Variants in TRPM5 observed in about 807,000 individuals in gnomAD.
TRPM5 encodes the protein MLSN1 and TRP-related.
In TRPM5, 121 loss-of-function variants were observed where a neutral mutation model predicts 124.9. That is an observed-to-expected ratio of 0.97 (90% CI 0.84 to 1.13). The LOEUF is 1.13. Among genes scored for constraint, TRPM5 ranks in the 50% most tolerant of loss-of-function variants. The pLI is 0.00. For synonymous variants in TRPM5, 781 were observed against 700.5 expected (o/e 1.11, Z -1.81); for missense variants, 1,643 against 1,589.1 (o/e 1.03, Z -0.58).
the TRPM5 span, among the ~76,000 whole-genome samples, chr11:2,430,019 G>C: frequency 4.5e-3 from 674 of 149,652 alleles, 5 homozygotes; most frequent in African/African-American, 0.016. Context: ...CATCTATCCT[G>C]GTCCTTCCCT....
chr11:2,436,625 C>T, the TRPM5 span, among the ~76,000 whole-genome samples: 1 of 152,186 alleles, frequency 6.6e-6, no homozygotes, highest in Non-Finnish European at 1.5e-5. Flanking sequence ...CCAGCACTCC[C>T]ACTGGGGGTG....
At position 2,412,404 on chromosome 11, in the gene TRPM5, T is replaced by C. The variant is rs534214646; in HGVS notation, c.2356-151A>G. The C allele has an allele frequency of 1.8e-5, 12 of 676,602 alleles. No individual in the cohort carries two copies. The African/African-American group carries it at 1.8e-4, about 10-fold the overall frequency. 41.9% of individuals were successfully genotyped at this position (676,602 alleles called of 1,614,324 possible). A position where few individuals can be genotyped will look rare whatever the true frequency, so the allele number is the denominator to read the frequency against. On this transcript the variant is annotated intron_variant, in intron 15 of 23. Transcript: ENST00000155858. The stretch of plus-strand genomic sequence containing the variant: ...TGGGACTAGGGGTCCACTGAAGCTA[T>C]TCCAGGGCTGTCTGGGGACAGAAGG...
intron 4 of TRPM5, among the ~76,000 whole-genome samples, chr11:2,418,936 G>A (rs954642029): frequency 2.0e-5 from 3 of 152,202 alleles, no homozygotes; most frequent in Admixed American, 2.0e-4. Context: ...GCAGCATCTC[G>A]ACCATCGAGG....
the TRPM5 span, among the ~76,000 whole-genome samples, chr11:2,430,652 GGTGACA>G: frequency 6.6e-6 from 1 of 151,840 alleles, no homozygotes; most frequent in African/African-American, 2.4e-5. Flanking sequence ...TGGCAGTGAT[GGTGACA>G]GTGTTGATGG....
At chr11:2,418,433 C>T in intron 5 of TRPM5, 75 bp from the exon 11 acceptor site, 2 of 1,497,018 alleles carry the variant, frequency 1.3e-6, no homozygotes, top group African/African-American at 1.8e-5. Flanking sequence ...CAGGGGTGCC[C>T]CCATCCCTTC....
Position 2,419,306 on chromosome 11 carries a change from A to G in TRPM5, c.650-715T>C, listed in dbSNP as rs372588104. On this transcript the variant is annotated intron_variant, in intron 4 of 23. Transcript: ENST00000155858. ...AGTTTGACGAGACTTTGTGTTTTCA[A>G]TTCTAAAGAGTGCTCAGTTGACCGG... Among the ~76,000 whole-genome samples the G allele has an allele frequency of 3.2e-4, 48 of 152,322 alleles. No individual in the cohort carries two copies. In the East Asian group the frequency reaches 6.6e-3, roughly 21 times the overall value.
At chr11:2,413,569 C>A in exon 13 of TRPM5, 1 of 1,612,608 alleles carries the variant, frequency 6.2e-7, no homozygotes, top group Non-Finnish European at 8.5e-7. Context: ...GTCCCCCCAC[C>A]AGATCCTGGT....
the TRPM5 span, among the ~76,000 whole-genome samples, chr11:2,436,249 A>G: frequency 6.6e-6 from 1 of 151,014 alleles, no homozygotes; most frequent in Non-Finnish European, 1.5e-5. Flanking sequence ...CCTCACATCC[A>G]CTCTCAGCTC....
chr11:2,418,296 G>A (rs370851537), exon 6 of TRPM5: 18 of 1,572,414 alleles, frequency 1.1e-5, no homozygotes, highest in Middle Eastern at 3.3e-4. Flanking sequence ...GCACATCGGC[G>A]ATGCCCCCCG....
At chr11:2,409,282 C>T (rs1565007267) in intron 18 of TRPM5, among the ~76,000 whole-genome samples, 1 of 152,152 alleles carries the variant, frequency 6.6e-6, no homozygotes, top group Admixed American at 6.5e-5. Context: ...AGACTGATGA[C>T]CCCCTCTCCT....
the TRPM5 span, among the ~76,000 whole-genome samples, chr11:2,435,119 C>T: frequency 5.0e-4 from 76 of 152,164 alleles, 1 homozygote; most frequent in South Asian, 8.1e-3. This position sits in a 1 kb window ranked among gnomAD's most constrained non-coding sequence, Gnocchi z 4.1. Context: ...ATTTATTGAG[C>T]GACTTCTATG....
chr11:2,417,310 C>A (rs966247185), intron 7 of TRPM5, among the ~76,000 whole-genome samples: 1 of 152,148 alleles, frequency 6.6e-6, no homozygotes, highest in South Asian at 2.1e-4. Context: ...ACAAAATTAG[C>A]CGGGCATGGT....
chr11:2,434,456 T>A, the TRPM5 span, among the ~76,000 whole-genome samples: 12 of 151,560 alleles, frequency 7.9e-5, no homozygotes, highest in Non-Finnish European at 1.6e-4. Context: ...TGTGTGTGTG[T>A]GTGGACACTG....
the TRPM5 span, among the ~76,000 whole-genome samples, chr11:2,435,739 A>G: frequency 6.6e-6 from 1 of 150,770 alleles, no homozygotes; most frequent in South Asian, 2.1e-4. This position sits in a 1 kb window ranked among gnomAD's most constrained non-coding sequence, Gnocchi z 4.1. Context: ...CCATGTATCA[A>G]ACTGTCCATC....
upstream of TRPM5, among the ~76,000 whole-genome samples, chr11:2,426,084 A>C (rs1241579847): frequency 6.6e-6 from 1 of 152,110 alleles, no homozygotes; most frequent in Non-Finnish European, 1.5e-5. Context: ...ACTCTATGCA[A>C]GACCCCCGGG....
chr11:2,426,696 G>A (rs1045684087), upstream of TRPM5, among the ~76,000 whole-genome samples: 29 of 152,288 alleles, frequency 1.9e-4, no homozygotes, highest in Admixed American at 1.0e-3. Context: ...TCCCCACCAG[G>A]CTGTGTAACT....
At chr11:2,430,358 G>C in the TRPM5 span, among the ~76,000 whole-genome samples, 2 of 152,200 alleles carry the variant, frequency 1.3e-5, no homozygotes, top group South Asian at 2.1e-4. Context: ...GTTTGCTGAG[G>C]CCACCCCAGC....
intron 21 of TRPM5, 117 bp downstream of exon 26, chr11:2,406,544 G>GC: frequency 7.2e-7 from 1 of 1,381,636 alleles, no homozygotes. Context: ...CCAGAGCCCT[G>GC]CCCCTACCCC....
chr11:2,412,729 G>C (rs1264877196), intron 15 of TRPM5, 25 bp downstream of exon 20: 2 of 1,563,926 alleles, frequency 1.3e-6, no homozygotes, highest in Non-Finnish European at 1.7e-6. Flanking sequence ...GAGTGGAGGG[G>C]ACCTAGGCTA....
Sources: allele counts gnomAD v4.1 joint callset (sites outside exome capture counted in the v4.1 genomes callset), GRCh38; gene constraint gnomAD v4.1.1; non-coding constraint Gnocchi (gnomAD v3.1); transcripts MANE v1.5; gene names NCBI Gene and HGNC (gene_info 2026-07-23, HGNC 2026-07-21).